The following MEGF10 variants were observed in gnomAD, a reference collection of about 807,000 sequenced individuals.
MEGF10 encodes multiple EGF like domains 10.
MEGF10 carries 86 observed loss-of-function variants against 147.5 expected under a neutral mutation model. The observed-to-expected ratio is 0.58, with a 90% confidence interval of 0.49 to 0.70. The LOEUF (loss-of-function observed/expected upper bound fraction) is 0.70, where lower values mean the gene tolerates loss of function less well. Among genes scored for constraint, MEGF10 ranks in the 30% least tolerant of loss-of-function variants. MEGF10 has a pLI of 0.00. For synonymous variants in MEGF10, 478 were observed against 525.5 expected (o/e 0.91, Z 1.24); for missense variants, 1,329 against 1,487.3 (o/e 0.89, Z 1.75).
chr5:127,243,670 T>C, the MEGF10 span, among the ~76,000 whole-genome samples: 3 of 152,106 alleles, frequency 2.0e-5, no homozygotes, highest in Non-Finnish European at 4.4e-5. Context: ...TATAAAAAGG[T>C]CATTTGTGTA....
At chr5:127,284,412 G>A in the MEGF10 span, among the ~76,000 whole-genome samples, 24 of 152,014 alleles carry the variant, frequency 1.6e-4, no homozygotes, top group East Asian at 4.4e-3. Flanking sequence ...CAGTGACTAT[G>A]AGGAAAAAGT....
Position 127,457,446 on chromosome 5 carries a change from C to A in MEGF10, c.*128C>A. 1 of 1,037,872 alleles carries A rather than the reference C, an allele frequency of 9.6e-7. No homozygotes were observed. The highest frequency in any genetic ancestry group is 1.4e-6 in the Non-Finnish European group (1 of 734,436). The allele number at this position is 1,037,872 out of a possible 1,614,324, so 64.3% of individuals were successfully genotyped here. On this transcript the variant is annotated 3_prime_UTR_variant, in exon 25 of 25. Transcript: ENST00000503335. Reference sequence around the variant, plus strand: ...CGGTGGGCAATTTTTGGACATGAACCAGAAAGCTGAAAGCTGAGGCTGACA... The same window carrying A: ...CGGTGGGCAATTTTTGGACATGAACAAGAAAGCTGAAAGCTGAGGCTGACA...
At chr5:127,443,823 T>G (rs1300987724) in intron 19 of MEGF10, among the ~76,000 whole-genome samples, 2 of 152,276 alleles carry the variant, frequency 1.3e-5, no homozygotes, top group African/African-American at 2.4e-5. Flanking sequence ...ATAATTTGTT[T>G]ACCTGTTCAT....
intron 9 of MEGF10, 38 bp from the exon 10 acceptor site, chr5:127,417,600 C>T (rs1490934239): frequency 6.2e-7 from 1 of 1,609,828 alleles, no homozygotes; most frequent in Non-Finnish European, 8.5e-7. Context: ...GTCATGTTTA[C>T]CCCAAAGTGA....
chr5:127,365,809 C>A (rs949229372), intron 4 of MEGF10, among the ~76,000 whole-genome samples: 8 of 152,110 alleles, frequency 5.3e-5, no homozygotes, highest in African/African-American at 1.9e-4. Context: ...GATAGATTAT[C>A]TTTGCTTGTT....
chr5:127,449,360 C>G, intron 22 of MEGF10, 138 bp downstream of exon 22: 1 of 1,109,152 alleles, frequency 9.0e-7, no homozygotes, highest in Non-Finnish European at 1.3e-6. Flanking sequence ...TGCCTAACAC[C>G]TGTACAGGGC....
chr5:127,452,643 C>T (rs1380914294), intron 22 of MEGF10, among the ~76,000 whole-genome samples: 2 of 152,144 alleles, frequency 1.3e-5, no homozygotes, highest in African/African-American at 2.4e-5. Flanking sequence ...CTTTCCCCTT[C>T]CAGAGGTGGA....
At chr5:127,440,975 G>T in intron 18 of MEGF10, 108 bp downstream of exon 18, 1 of 1,409,352 alleles carries the variant, frequency 7.1e-7, no homozygotes. Context: ...GAGGTTGTTT[G>T]AGCTGATGGC....
intron 4 of MEGF10, among the ~76,000 whole-genome samples, chr5:127,359,667 A>G (rs147464040): frequency 6.6e-6 from 1 of 152,236 alleles, no homozygotes; most frequent in East Asian, 1.9e-4. Context: ...TTTACTCATC[A>G]TAATCATTTT....
At chr5:127,409,408 C>G (rs960030068) in intron 8 of MEGF10, among the ~76,000 whole-genome samples, 3 of 152,240 alleles carry the variant, frequency 2.0e-5, no homozygotes, top group Non-Finnish European at 4.4e-5. Flanking sequence ...CTGTCTCCTT[C>G]CCTTGGCAGA....
chr5:127,242,661 A>T, the MEGF10 span, among the ~76,000 whole-genome samples: 1 of 151,268 alleles, frequency 6.6e-6, no homozygotes, highest in African/African-American at 2.4e-5. Context: ...ACTGTTTTTT[A>T]TTTTTTTTTA....
intron 5 of MEGF10, among the ~76,000 whole-genome samples, chr5:127,396,169 C>T (rs913601619): frequency 2.6e-5 from 4 of 152,178 alleles, no homozygotes; most frequent in African/African-American, 7.2e-5. Context: ...TGATCATTCC[C>T]GTCTGCCTAG....
At chr5:127,298,287 C>G (rs1475545589) in intron 1 of MEGF10, among the ~76,000 whole-genome samples, 1 of 152,162 alleles carries the variant, frequency 6.6e-6, no homozygotes, top group Non-Finnish European at 1.5e-5. Flanking sequence ...CACCCACATT[C>G]CTATTATCAT....
rs2270932 is a variant in MEGF10 at position 127,454,806 on chromosome 5, T to G, written c.3025+196T>G. The stretch of plus-strand genomic sequence containing the variant: ...GACCAGAGGTGGTCCTTGGTAGAGC[T>G]TAAGTCTTTGGGGAACAAAAGATTC... On this transcript the variant is annotated intron_variant, in intron 23 of 24. Coordinates refer to ENST00000503335, the MANE Select transcript of MEGF10 (RefSeq NM_001256545.2). Among the ~76,000 whole-genome samples the G allele has an allele frequency of 2.8e-4, 42 of 152,328 alleles. No homozygotes were observed. The East Asian group carries it at 8.1e-3, about 29-fold the overall frequency.
chr5:127,355,870 G>A (rs751356345), intron 4 of MEGF10, among the ~76,000 whole-genome samples: 7 of 151,490 alleles, frequency 4.6e-5, no homozygotes, highest in Non-Finnish European at 7.4e-5. Context: ...TCTTGAGAAA[G>A]CCTGACTTTA....
chr5:127,424,714 AAC>A (rs1765154214), intron 13 of MEGF10: 2 of 253,722 alleles, frequency 7.9e-6, no homozygotes, highest in Non-Finnish European at 1.3e-5. Flanking sequence ...AGGCCTCCCC[AAC>A]CCTGTAGTTC....
intron 4 of MEGF10, among the ~76,000 whole-genome samples, chr5:127,367,658 C>T (rs1233984448): frequency 6.6e-6 from 1 of 152,174 alleles, no homozygotes; most frequent in Non-Finnish European, 1.5e-5. Flanking sequence ...AGTCTTGTTT[C>T]ACTTTAAAGG....
In MEGF10 at chr5:127,419,124, T is replaced by C; in HGVS notation, c.1310T>C (p.Ile437Thr). ...KCTCAPGFKGIDCSTPCPLGT... is the reference protein window; with the variant it reads ...KCTCAPGFKGTDCSTPCPLGT... ...TTGCTACTTGTGCCTGTCTAGGGAA[T>C]TGACTGCTCTACCCCATGCCCTCTG... The change falls in exon 11 of 25, where the codon ATT becomes ACT. Residue 437 changes from isoleucine (I) to threonine (T), a missense_variant. Physicochemically the swap from Ile to Thr is moderately conservative, Grantham distance 89. This residue lies in a region of MEGF10 where 980 missense variants were observed against 1,085.9 expected (regional missense o/e 0.90). Transcript: ENST00000503335. 1.9e-6 allele frequency: 3 copies of C among 1,606,134 alleles called. No homozygotes were observed. Among genetic ancestry groups the C allele is most frequent in the Non-Finnish European group, 2.5e-6 (3 of 1,178,118 alleles).
intron 1 of MEGF10, among the ~76,000 whole-genome samples, chr5:127,326,372 T>C (rs1423748919): frequency 6.6e-6 from 1 of 152,204 alleles, no homozygotes; most frequent in East Asian, 1.9e-4. Flanking sequence ...ATAGCACTTG[T>C]ACTGTTTGAA....
Sources: allele counts gnomAD v4.1 joint callset (sites outside exome capture counted in the v4.1 genomes callset), GRCh38; gene constraint gnomAD v4.1.1; regional missense constraint gnomAD v4.1.1; transcripts MANE v1.5; gene names NCBI Gene and HGNC (gene_info 2026-07-23, HGNC 2026-07-21).